Variants in GALK2 observed in about 807,000 individuals in gnomAD.
GALK2 encodes the protein N-acetylgalactosamine kinase.
A neutral mutation model predicts 52.4 loss-of-function variants in GALK2; 36 were observed. The observed-to-expected ratio is 0.69, with a 90% CI of 0.53 to 0.91. The LOEUF (loss-of-function observed/expected upper bound fraction) is 0.91. Ranked by LOEUF, GALK2 falls within the 40% of genes least tolerant of loss-of-function variation. GALK2 has a pLI of 0.00. For missense variants in GALK2, 579 were observed against 559.1 expected (o/e 1.04, Z -0.36); for synonymous variants, 176 against 199.1 (o/e 0.88, Z 0.98).
chr15:49,192,091 C>A (rs1218144294), intron 1 of GALK2, among the ~76,000 whole-genome samples: 1 of 152,066 alleles, frequency 6.6e-6, no homozygotes, highest in Admixed American at 6.6e-5. Context: ...ATGTCACTAT[C>A]ATTGAGCACT....
At chr15:49,227,746 G>A (rs1326044591) in intron 3 of GALK2, among the ~76,000 whole-genome samples, 1 of 151,654 alleles carries the variant, frequency 6.6e-6, no homozygotes, top group Non-Finnish European at 1.5e-5. Context: ...TTGTGGTTTG[G>A]TGGTGTTCTG....
intron 1 of GALK2, among the ~76,000 whole-genome samples, chr15:49,195,533 A>C (rs1048339655): frequency 6.6e-6 from 1 of 152,128 alleles, no homozygotes; most frequent in South Asian, 2.1e-4. Flanking sequence ...TTGTTTTCGC[A>C]TATGAAGTCT....
intron 4 of GALK2, among the ~76,000 whole-genome samples, chr15:49,237,669 G>A (rs1032564665): frequency 1.3e-5 from 2 of 151,864 alleles, no homozygotes; most frequent in Admixed American, 6.6e-5. Flanking sequence ...TAGAGACGGG[G>A]TTTCACTATA....
intron 7 of GALK2, 72 bp from the exon 8 acceptor site, chr15:49,292,255 A>G: frequency 7.4e-7 from 1 of 1,355,424 alleles, no homozygotes; most frequent in Non-Finnish European, 1.0e-6. Flanking sequence ...TTAACGTTGA[A>G]TCTGGCTAAT....
At chr15:49,207,241 G>A (rs182910980) in intron 2 of GALK2, among the ~76,000 whole-genome samples, 1 of 152,190 alleles carries the variant, frequency 6.6e-6, no homozygotes, top group African/African-American at 2.4e-5. Context: ...TGGTTAGCTG[G>A]GATTTTGTTA....
intron 9 of GALK2, among the ~76,000 whole-genome samples, chr15:49,320,997 T>C (rs1299091936): frequency 1.3e-5 from 2 of 152,160 alleles, no homozygotes; most frequent in African/African-American, 4.8e-5. Context: ...TAATAAACTT[T>C]CTCTTCCTAG....
intron 1 of GALK2, among the ~76,000 whole-genome samples, chr15:49,184,803 T>A (rs74610915): frequency 0.017 from 2,600 of 152,286 alleles, 92 homozygotes; most frequent in African/African-American, 0.06. Flanking sequence ...TTTATTCATA[T>A]CTTATTGTCT....
intron 8 of GALK2, among the ~76,000 whole-genome samples, chr15:49,315,406 G>A (rs2036320304): frequency 6.6e-6 from 1 of 152,180 alleles, no homozygotes; most frequent in South Asian, 2.1e-4. Context: ...AATGTTAGCT[G>A]GACAGGGAAG....
intron 3 of GALK2, among the ~76,000 whole-genome samples, chr15:49,357,376 G>C (rs1209053442): frequency 6.7e-6 from 1 of 148,808 alleles, no homozygotes; most frequent in African/African-American, 2.5e-5. Flanking sequence ...GAATCAAATA[G>C]ACGCAATAAA....
At chr15:49,347,165 T>C (rs2041628314) in intron 3 of GALK2, among the ~76,000 whole-genome samples, 1 of 152,206 alleles carries the variant, frequency 6.6e-6, no homozygotes, top group African/African-American at 2.4e-5. Context: ...GGAAGGGCTA[T>C]TGAAAACATT....
intron 5 of GALK2, among the ~76,000 whole-genome samples, chr15:49,262,066 G>T (rs982545597): frequency 6.6e-6 from 1 of 152,172 alleles, no homozygotes; most frequent in Non-Finnish European, 1.5e-5. Context: ...TTGACATCAG[G>T]ATGATGCTGG....
chr15:49,216,021 T>A (rs1268092448), intron 2 of GALK2, among the ~76,000 whole-genome samples: 1 of 152,044 alleles, frequency 6.6e-6, no homozygotes, highest in Non-Finnish European at 1.5e-5. Context: ...CCTTGACGAG[T>A]TTGGGTAAGG....
intron 9 of GALK2, among the ~76,000 whole-genome samples, chr15:49,321,554 G>A (rs1213830452): frequency 1.3e-5 from 2 of 152,290 alleles, no homozygotes; most frequent in East Asian, 3.9e-4. Flanking sequence ...GCCTCTAAAA[G>A]CCACATTTTT....
At chr15:49,292,231 AAAC>A in intron 7 of GALK2, 93 bp from the exon 8 acceptor site, 2 of 1,152,970 alleles carry the variant, frequency 1.7e-6, no homozygotes, top group Non-Finnish European at 2.5e-6. Context: ...AACAACAACA[AAAC>A]AAAAAACAGC....
chr15:49,186,231 G>C (rs1170947792), intron 1 of GALK2, among the ~76,000 whole-genome samples: 1 of 151,940 alleles, frequency 6.6e-6, no homozygotes, highest in Non-Finnish European at 1.5e-5. Flanking sequence ...GCTTTTTCAG[G>C]CCAATAAATC....
chr15:49,326,255 A>ATTTTTTTTTTTTTTTTTTTTTTTTTTTT (rs35381509), intron 9 of GALK2, among the ~76,000 whole-genome samples: 1 of 100,690 alleles, frequency 9.9e-6, no homozygotes, highest in African/African-American at 3.7e-5. Flanking sequence ...TATGACAACC[A>ATTTTTTTTTTTTTTTTTTTTTTTTTTTT]TTTTTTTTTT....
chr15:49,281,605 G>T (rs1391673748), intron 5 of GALK2, among the ~76,000 whole-genome samples: 1 of 152,150 alleles, frequency 6.6e-6, no homozygotes, highest in Non-Finnish European at 1.5e-5. Context: ...TGGAATAGTA[G>T]TTCACTGTTG....
chr15:49,308,769 A>T (rs1338193411), intron 8 of GALK2, among the ~76,000 whole-genome samples: 2 of 152,224 alleles, frequency 1.3e-5, no homozygotes, highest in African/African-American at 4.8e-5. Flanking sequence ...TATTTGGAAG[A>T]ATAAACAGGT....
At chr15:49,342,484 A>G (rs901455871) in intron 3 of GALK2, among the ~76,000 whole-genome samples, 1 of 152,152 alleles carries the variant, frequency 6.6e-6, no homozygotes, top group African/African-American at 2.4e-5. Flanking sequence ...CTTTTATCCA[A>G]CTTGCAACTC....
Sources: gnomAD v4.1 joint callset for allele counts (sites outside exome capture counted in the v4.1 genomes callset) on GRCh38, gnomAD v4.1.1 for gene constraint, MANE v1.5 for transcripts, NCBI Gene and HGNC (gene_info 2026-07-23, HGNC 2026-07-21) for gene names.